The following STARD9 variants were observed in gnomAD, a reference collection of about 807,000 sequenced individuals.
The protein encoded by STARD9 is stAR-related lipid transfer protein 9.
In STARD9, 346 loss-of-function variants were observed where a neutral mutation model predicts 399.8. That is an observed-to-expected ratio of 0.87 (90% CI 0.79 to 0.95). The LOEUF (loss-of-function observed/expected upper bound fraction) is 0.95, where lower values mean the gene tolerates loss of function less well. Ranked by LOEUF, STARD9 falls within the 40% of genes least tolerant of loss-of-function variation. The pLI is 0.00. For synonymous variants in STARD9, 2,203 were observed against 2,143.5 expected, an observed-to-expected ratio of 1.03 and a Z score of -0.77; for missense variants, 5,832 against 5,667.5, an observed-to-expected ratio of 1.03 and a Z score of -0.93.
intron 3 of STARD9, among the ~76,000 whole-genome samples, chr15:42,625,647 A>ATTTT (rs11399920): frequency 0.066 from 9,171 of 138,488 alleles, 809 homozygotes; most frequent in African/African-American, 0.19. Context: ...TCTTCTTCCT[A>ATTTT]TTTTTTTTTT....
rs1222465630 is a variant in STARD9 at position 42,669,106 on chromosome 15, T to G, written c.1318-52T>G. On this transcript the variant is annotated intron_variant, in intron 15 of 32. Transcript: ENST00000290607. ...AATAGATTGTAATGACTTCTGACCT[T>G]TAGTCTGTTCCCCATGCTGAGTGTC... is the stretch of plus-strand genomic sequence containing the variant. 1.0e-5 allele frequency: 15 copies of G among 1,439,650 alleles called. No individual in the cohort carries two copies. In the East Asian group the frequency reaches 1.5e-4, roughly 14 times the overall value. 89.2% of individuals were successfully genotyped at this position (1,439,650 alleles called of 1,614,324 possible). A position where few individuals can be genotyped will look rare whatever the true frequency, so the allele number is the denominator to read the frequency against.
intron 26 of STARD9, among the ~76,000 whole-genome samples, chr15:42,707,828 C>G (rs770855308): frequency 1.3e-5 from 2 of 152,028 alleles, no homozygotes; most frequent in African/African-American, 4.8e-5. Context: ...AAGATACACT[C>G]TAAGCACATC....
chr15:42,690,275 A>G lies in STARD9; in HGVS notation c.8697A>G (p.Pro2899=). 1 of 1,537,358 alleles carries G rather than the reference A, an allele frequency of 6.5e-7. No individual in the cohort carries two copies. Residue 2899 remains proline (P), a synonymous_variant, in exon 23 of 33, where the codon CCA becomes CCG. Transcript: ENST00000290607. ...GCAGCAAACATTCCAGGCCAATTCC[A>G]CTGCCAGATCAAAGACCAAGCGCAA... ...RAGSKHSRPI[P]LPDQRPSANP...
At chr15:42,639,189 A>G (rs901546782) in intron 7 of STARD9, among the ~76,000 whole-genome samples, 1 of 152,234 alleles carries the variant, frequency 6.6e-6, no homozygotes, top group Non-Finnish European at 1.5e-5. Context: ...GAATGACGTA[A>G]CGTGGTGAGA....
intron 32 of STARD9, 92 bp downstream of exon 32, chr15:42,719,002 C>T (rs2058719958): frequency 8.2e-7 from 1 of 1,225,576 alleles, no homozygotes; most frequent in South Asian, 1.4e-5. Flanking sequence ...GAACACCCTC[C>T]AGTGCCCAGG....
intron 9 of STARD9, among the ~76,000 whole-genome samples, chr15:42,653,465 C>A (rs1441919662): frequency 2.0e-5 from 3 of 152,148 alleles, no homozygotes; most frequent in Non-Finnish European, 4.4e-5. Flanking sequence ...ACAAAGAGAT[C>A]CACACCTAGA....
At chr15:42,625,645 C>A (rs1361746340) in intron 3 of STARD9, among the ~76,000 whole-genome samples, 1 of 24,284 alleles carries the variant, frequency 4.1e-5, no homozygotes, top group Non-Finnish European at 8.9e-5. Context: ...TTTCTTCTTC[C>A]TATTTTTTTT....
Position 42,693,789 on chromosome 15 carries a change from C to T in STARD9, c.12211C>T (p.Arg4071Cys), listed in dbSNP as rs763890809. ...ESSASPGEPQ[R>C]TLDRPSSWGG... ...TTCAGCATCTCCAGGGGAACCACAA[C>T]GCACTCTGGACCGACCTTCTTCATG... The change falls in exon 23 of 33, where the codon CGC becomes TGC. Residue 4071 changes from arginine (R) to cysteine (C), a missense_variant. Arg to Cys is a radical substitution (Grantham distance 180). Around this residue, in one of 2 missense-constraint regions of STARD9, gnomAD observed 5,828 missense variants for 5,651.1 expected, o/e 1.03. Transcript: ENST00000290607. The T allele has an allele frequency of 1.6e-4, 245 of 1,535,996 alleles. 1 individual carries two copies. The Middle Eastern group carries it at 2.8e-3, about 18-fold the overall frequency.
chr15:42,596,598 C>G (rs2058510658), intron 3 of STARD9, among the ~76,000 whole-genome samples: 1 of 152,152 alleles, frequency 6.6e-6, no homozygotes, highest in East Asian at 1.9e-4. Flanking sequence ...CACAGTAAGC[C>G]TGTGTCCAAG....
Position 42,690,301 on chromosome 15 carries a change from A to G in STARD9, c.8723A>G (p.Asn2908Ser). The change falls in exon 23 of 33, where the codon AAT becomes AGT. Residue 2908 changes from asparagine (N) to serine (S), a missense_variant. Around this residue, in one of 2 missense-constraint regions of STARD9, gnomAD observed 5,828 missense variants for 5,651.1 expected, o/e 1.03. Transcript: ENST00000290607. ...CTGCCAGATCAAAGACCAAGCGCAA[A>G]TCCTGGGGGAATTGGGGAGGAAGCC... ...IPLPDQRPSA[N>S]PGGIGEEAPC... The G allele has an allele frequency of 6.5e-7, 1 of 1,537,288 alleles. No individual in the cohort carries two copies. Among genetic ancestry groups the G allele is most frequent in the Non-Finnish European group, 8.7e-7 (1 of 1,146,922 alleles).
At chr15:42,585,463 A>C in intron 2 of STARD9, 58 bp from the exon 3 acceptor site, 790 of 975,530 alleles carry the variant, frequency 8.1e-4, no homozygotes, top group Non-Finnish European at 1.1e-3. Flanking sequence ...ATCAAGTGCC[A>C]CTGGCCAGAT....
rs1292613359 is a variant in STARD9 at position 42,681,644 on chromosome 15, ACCT to A, written c.2065+36_2065+38del. Reference sequence around the variant, plus strand: ...GTCCACCACTTAATGTGTCTGCCTCACCTCCTTATTCTTTCATTTTCATGCTTC... The same window carrying A: ...GTCCACCACTTAATGTGTCTGCCTCACCTTATTCTTTCATTTTCATGCTTC... On this transcript the variant is annotated intron_variant, in intron 21 of 32. Transcript: ENST00000290607. 3 of 1,494,714 alleles carry A rather than the reference ACCT, an allele frequency of 2.0e-6. No homozygotes were observed. In the Admixed American group the frequency reaches 6.4e-5, roughly 32 times the overall value. 92.6% of individuals were successfully genotyped at this position (1,494,714 alleles called of 1,614,324 possible). A position where few individuals can be genotyped will look rare whatever the true frequency, so the allele number is the denominator to read the frequency against.
At chr15:42,665,217 T>C in intron 13 of STARD9, 36 bp from the exon 14 acceptor site, 1 of 1,499,008 alleles carries the variant, frequency 6.7e-7, no homozygotes, top group East Asian at 2.5e-5. Context: ...TGGGACTTGA[T>C]AACAATCAGT....
At chr15:42,643,710 A>C (rs1184261009) in intron 7 of STARD9, among the ~76,000 whole-genome samples, 1 of 152,082 alleles carries the variant, frequency 6.6e-6, no homozygotes, top group African/African-American at 2.4e-5. Context: ...CATGTTGGCC[A>C]AGATGTCAAA....
rs1048950561 is a variant in STARD9, at chr15:42,691,723, G to A, written c.10145G>A (p.Ser3382Asn). The change falls in exon 23 of 33, where the codon AGC (serine) becomes AAC (asparagine). Residue 3382 changes from serine (S) to asparagine (N), a missense_variant. Physicochemically the swap from Ser to Asn is conservative, Grantham distance 46 (BLOSUM62 1). Coordinates refer to ENST00000290607, the MANE Select transcript of STARD9 (RefSeq NM_020759.3). ...VARTSLQAED[S>N]NQKASSRLDD... is the part of the protein sequence containing the mutation. The stretch of plus-strand genomic sequence containing the variant: ...AGAACATCTCTGCAGGCTGAGGACA[G>A]CAATCAGAAAGCCTCATCTCGCTTG... 4 of 1,537,274 alleles carry A rather than the reference G, an allele frequency of 2.6e-6. No homozygotes were observed. The highest frequency in any genetic ancestry group is 3.9e-5 in the Admixed American group (2 of 51,000).
At chr15:42,618,769 G>A (rs1249109859) in intron 3 of STARD9, among the ~76,000 whole-genome samples, 2 of 150,352 alleles carry the variant, frequency 1.3e-5, no homozygotes, top group African/African-American at 5.0e-5. Context: ...GCTAATTTTT[G>A]TATTTTTATT....
chr15:42,644,635 G>A (rs1469688994), intron 7 of STARD9, among the ~76,000 whole-genome samples: 11 of 152,184 alleles, frequency 7.2e-5, no homozygotes, highest in Admixed American at 1.3e-4. Context: ...GACTGATCAG[G>A]ATAGTGATTG....
Position 42,685,739 on chromosome 15 carries a change from T to G in STARD9, c.4161T>G (p.Asp1387Glu), listed in dbSNP as rs1429396461. The G allele has an allele frequency of 6.5e-7, 1 of 1,537,354 alleles. No individual in the cohort carries two copies. The highest frequency in any genetic ancestry group is 8.7e-7 in the Non-Finnish European group (1 of 1,146,966). The change falls in exon 23 of 33, where the codon GAT becomes GAG. Residue 1387 changes from aspartate (D) to glutamate (E), a missense_variant. Asp to Glu is a conservative substitution (Grantham distance 45, BLOSUM62 2). Transcript: ENST00000290607. ...ATACTGAGGAACTAAAGCCATCAGATGCAGAAACGGTTCTGCCATATAGCT... is the reference window on the plus strand; with the variant it reads ...ATACTGAGGAACTAAAGCCATCAGAGGCAGAAACGGTTCTGCCATATAGCT... ...WPNTEELKPS[D>E]AETVLPYSSK...
Position 42,685,904 on chromosome 15 carries a change from C to T in STARD9, c.4326C>T (p.Gly1442=), listed in dbSNP as rs140746565. ...CAGGAGCTGATGGCACCTTTCAGGG[C>T]AGATGTATCCCTGACATGACCCAGC... ...IQPGADGTFQ[G]RCIPDMTQQG... is the part of the protein sequence containing the mutation. Residue 1442 remains glycine, a synonymous_variant, in exon 23 of 33, where the codon GGC becomes GGT. Transcript: ENST00000290607. The T allele has an allele frequency of 9.8e-4, 1,509 of 1,537,150 alleles. 7 individuals are homozygous for T. The African/African-American group carries it at 0.019, about 19-fold the overall frequency.
Sources: gnomAD v4.1 joint callset for allele counts (sites outside exome capture counted in the v4.1 genomes callset) on GRCh38, gnomAD v4.1.1 for gene constraint, gnomAD v4.1.1 regional missense constraint, MANE v1.5 for transcripts, NCBI Gene and HGNC (gene_info 2026-07-23, HGNC 2026-07-21) for gene names.